The following ADGRL3 variants were observed in gnomAD, a reference collection of about 807,000 sequenced individuals.
ADGRL3 encodes calcium-independent alpha-latrotoxin receptor 3.
ADGRL3 carries 62 observed loss-of-function variants against 153.5 expected under a neutral mutation model. The ratio of observed to expected loss-of-function variants is 0.40; its 90% CI spans 0.33 to 0.50. The LOEUF is 0.50. Ranked by LOEUF, ADGRL3 falls within the 20% of genes least tolerant of loss-of-function variation. The pLI, the probability that ADGRL3 is intolerant of heterozygous loss-of-function variation, is 0.47. For synonymous variants in ADGRL3, 710 were observed against 672.5 expected (o/e 1.06, Z -0.86); for missense variants, 1,641 against 1,859.4 (o/e 0.88, Z 2.16).
intron 4 of ADGRL3, among the ~76,000 whole-genome samples, chr4:61,537,223 G>A (rs1180733306): frequency 6.7e-6 from 1 of 150,036 alleles, no homozygotes; most frequent in Non-Finnish European, 1.5e-5. Flanking sequence ...AATCTGTTTT[G>A]GTTTGTAAAG....
intron 6 of ADGRL3, among the ~76,000 whole-genome samples, chr4:61,725,327 T>C (rs2096310000): frequency 6.6e-6 from 1 of 152,108 alleles, no homozygotes; most frequent in African/African-American, 2.4e-5. Context: ...AAATGTCTAC[T>C]TAAGGCTGGG....
chr4:61,294,935 AG>A (rs2094356256), intron 1 of ADGRL3, among the ~76,000 whole-genome samples: 1 of 145,706 alleles, frequency 6.9e-6, no homozygotes, highest in African/African-American at 2.5e-5. Flanking sequence ...ACACACACAC[AG>A]TAGTCCCCAT....
chr4:61,702,958 G>T (rs1244883073), intron 6 of ADGRL3, among the ~76,000 whole-genome samples: 1 of 152,012 alleles, frequency 6.6e-6, no homozygotes, highest in East Asian at 1.9e-4. Flanking sequence ...TAAGTAATGA[G>T]GAGCCATCTC....
intron 4 of ADGRL3, among the ~76,000 whole-genome samples, chr4:61,585,544 T>C (rs1299745574): frequency 6.6e-6 from 1 of 152,102 alleles, no homozygotes; most frequent in Admixed American, 6.6e-5. Flanking sequence ...AATACATGTC[T>C]TTTGTGCATG....
chr4:61,927,134 G>C (rs959016479), intron 13 of ADGRL3, among the ~76,000 whole-genome samples: 2 of 152,144 alleles, frequency 1.3e-5, no homozygotes, highest in Non-Finnish European at 2.9e-5. Flanking sequence ...AGGGAAGGGA[G>C]AACATCTGTC....
At chr4:61,874,789 CTT>C (rs11432355) in intron 9 of ADGRL3, among the ~76,000 whole-genome samples, 525 of 61,264 alleles carry the variant, frequency 8.6e-3, no homozygotes, top group Non-Finnish European at 0.011. Flanking sequence ...TCAAAATGCT[CTT>C]TTTTTTTTTT....
intron 26 of ADGRL3, among the ~76,000 whole-genome samples, chr4:62,069,683 C>T (rs977000826): frequency 2.0e-5 from 3 of 152,014 alleles, no homozygotes; most frequent in Admixed American, 1.3e-4. Context: ...GATGCTAAGA[C>T]AATTTGTAAA....
chr4:62,031,363 T>A, intron 22 of ADGRL3, 79 bp from the exon 23 acceptor site: 1 of 1,157,850 alleles, frequency 8.6e-7, no homozygotes, highest in Non-Finnish European at 1.2e-6. Context: ...TTTTTTTCAG[T>A]GTCGTATTGT....
chr4:61,330,054 G>A (rs2095540752), intron 1 of ADGRL3, among the ~76,000 whole-genome samples: 1 of 152,106 alleles, frequency 6.6e-6, no homozygotes, highest in Non-Finnish European at 1.5e-5. Context: ...TCTTTGCATT[G>A]TGCATATGCT....
rs373444492 is a variant in ADGRL3, at chr4:61,328,829, G to C, written c.-239-54295G>C. 2.3e-4 allele frequency among the ~76,000 whole-genome samples: 35 copies of C among 152,140 alleles called. No homozygotes were observed. The South Asian group carries it at 7.1e-3, about 31-fold the overall frequency. ...TTGTTTATTGAATTCTCCTACTCCT[G>C]CTCCTGCCTTGTTGTGCACTGTTCT... On this transcript the variant is annotated intron_variant, in intron 1 of 26. Transcript: ENST00000683033.
chr4:61,909,279 C>T (rs1560360064), intron 11 of ADGRL3, among the ~76,000 whole-genome samples: 1 of 152,064 alleles, frequency 6.6e-6, no homozygotes. Flanking sequence ...TAGGGCAAAC[C>T]TTAGACCTAA....
At chr4:61,912,330 C>T (rs1346489245) in intron 12 of ADGRL3, among the ~76,000 whole-genome samples, 1 of 152,056 alleles carries the variant, frequency 6.6e-6, no homozygotes, top group Non-Finnish European at 1.5e-5. Flanking sequence ...AAATGGGTTC[C>T]AAACTTCTGA....
At chr4:61,644,250 T>C (rs2093843424) in intron 5 of ADGRL3, among the ~76,000 whole-genome samples, 1 of 139,568 alleles carries the variant, frequency 7.2e-6, no homozygotes, top group Non-Finnish European at 1.6e-5. Flanking sequence ...GCTCCTGGAT[T>C]CATTAATTTT....
chr4:61,726,210 G>GTTTTGTTTTTTTTTTTTTTTTTT (rs2096336781), intron 6 of ADGRL3, among the ~76,000 whole-genome samples: 1 of 118,480 alleles, frequency 8.4e-6, no homozygotes, highest in African/African-American at 3.2e-5. Flanking sequence ...TTTTTTTTTT[G>GTTTTGTTTTTTTTTTTTTTTTTT]TTTTTTGAGA....
intron 13 of ADGRL3, among the ~76,000 whole-genome samples, chr4:61,933,038 A>C (rs1022111799): frequency 6.6e-6 from 1 of 152,032 alleles, no homozygotes; most frequent in East Asian, 1.9e-4. Context: ...TCCCCAATAA[A>C]ATTTCCCCTT....
intron 2 of ADGRL3, among the ~76,000 whole-genome samples, chr4:61,384,049 T>C (rs1423190099): frequency 2.0e-5 from 3 of 151,950 alleles, no homozygotes; most frequent in Non-Finnish European, 2.9e-5. Context: ...ATTGACATAA[T>C]TGATATGTAC....
chr4:62,072,780 T>C lies in ADGRL3; in HGVS notation c.*1872T>C, dbSNP rs1326417489. The stretch of plus-strand genomic sequence containing the variant: ...TTAAAACCAGATTCAATCAGAGATA[T>C]AAATATGAAATTTGGGGGCTGGGTG... On this transcript the variant is annotated 3_prime_UTR_variant, in exon 27 of 27. Transcript: ENST00000683033. 6.6e-6 allele frequency: 1 copy of C among 152,164 alleles called. No individual in the cohort carries two copies. The highest frequency in any genetic ancestry group is 2.4e-5 in the African/African-American group (1 of 41,466). 9.4% of individuals were successfully genotyped at this position (152,164 alleles called of 1,614,324 possible). A position where few individuals can be genotyped will look rare whatever the true frequency, so the allele number is the denominator to read the frequency against.
intron 13 of ADGRL3, among the ~76,000 whole-genome samples, chr4:61,927,648 G>A (rs1375423766): frequency 3.9e-5 from 6 of 152,086 alleles, no homozygotes; most frequent in South Asian, 2.1e-4. Flanking sequence ...AACTTGACTT[G>A]TAATAAAAAA....
At chr4:61,672,276 C>T (rs944145725) in intron 5 of ADGRL3, among the ~76,000 whole-genome samples, 1 of 152,004 alleles carries the variant, frequency 6.6e-6, no homozygotes, top group African/African-American at 2.4e-5. Flanking sequence ...ATGTAGATAT[C>T]CAGTTTCCCC....
Sources: gnomAD v4.1 joint callset for allele counts (sites outside exome capture counted in the v4.1 genomes callset) on GRCh38, gnomAD v4.1.1 for gene constraint, MANE v1.5 for transcripts, NCBI Gene and HGNC (gene_info 2026-07-23, HGNC 2026-07-21) for gene names.